The following MAP3K15 variants were observed in gnomAD, a reference collection of about 807,000 sequenced individuals.
The protein encoded by MAP3K15 is mitogen-activated protein kinase kinase kinase 15.
MAP3K15 carries 124 observed loss-of-function variants against 99.5 expected under a neutral mutation model. The ratio of observed to expected loss-of-function variants is 1.25; its 90% confidence interval spans 1.08 to 1.45. MAP3K15 has a LOEUF of 1.45. Ranked by LOEUF, MAP3K15 falls within the 40% of genes most tolerant of loss-of-function variation. The pLI, the probability that MAP3K15 is intolerant of heterozygous loss-of-function variation, is 0.00. For missense variants in MAP3K15, 1,242 were observed against 1,079.7 expected, an observed-to-expected ratio of 1.15 and a Z score of -2.11; for synonymous variants, 494 against 439.6, an observed-to-expected ratio of 1.12 and a Z score of -1.55.
At chrX:19,366,221 G>A in intron 25 of MAP3K15, among the ~76,000 whole-genome samples, 1 of 110,515 alleles carries the variant, frequency 9.0e-6, no homozygotes, top group East Asian at 2.9e-4. Context: ...CTGCCCAACT[G>A]CCTGCCTTCA....
chrX:19,515,114 C>T lies in MAP3K15; in HGVS notation c.148G>A (p.Glu50Lys). 1 of 815,973 alleles carries T rather than the reference C, an allele frequency of 1.2e-6. No homozygotes were observed. The highest frequency in any genetic ancestry group is 6.3e-5 in the East Asian group (1 of 15,788). 67.2% of individuals were successfully genotyped at this position (815,973 alleles called of 1,213,427 possible). ...AAEGAAGGSG[E>K]GESGGGPRRA... ...CGCGGCCCGCCCCCACTCTCGCCCT[C>T]GCCGCTGCCGCCTGCCGCGCCCTCC... is the stretch of plus-strand genomic sequence containing the variant. Residue 50 changes from glutamate (E) to lysine (K), a missense_variant, in exon 1 of 29, where the codon GAG becomes AAG. Glu to Lys is a moderately conservative substitution (Grantham distance 56, BLOSUM62 1). Coordinates refer to ENST00000338883, the MANE Select transcript of MAP3K15 (RefSeq NM_001001671.4).
At position 19,374,670 on chromosome X, in the gene MAP3K15, AG is replaced by A. The variant is rs752369487; in HGVS notation, c.2590-11del. Reference sequence around the variant, plus strand: ...TCTTAAACATGCCCACCTGCATTTAAGGGAGAGGTAACCGATGTGTCAGTGA... The same window carrying A: ...TCTTAAACATGCCCACCTGCATTTAAGGAGAGGTAACCGATGTGTCAGTGA... On this transcript the variant is annotated splice_polypyrimidine_tract_variant and intron_variant, in intron 19 of 28. Transcript: ENST00000338883. 3 of 1,204,006 alleles carry A rather than the reference AG, an allele frequency of 2.5e-6. No homozygotes were observed. The highest frequency in any genetic ancestry group is 3.4e-6 in the Non-Finnish European group (3 of 890,210).
chrX:19,488,793 A>AAC, intron 2 of MAP3K15, 35 bp downstream of exon 2: 1 of 1,163,803 alleles, frequency 8.6e-7, no homozygotes, highest in Non-Finnish European at 1.2e-6. Context: ...GCTTTCCCAA[A>AAC]ACAAAGTACT....
At chrX:19,457,933 A>G (rs2064105682) in intron 5 of MAP3K15, among the ~76,000 whole-genome samples, 1 of 111,927 alleles carries the variant, frequency 8.9e-6, no homozygotes, top group African/African-American at 3.2e-5. Context: ...GTCTCCAGAC[A>G]CTGCCAAAAA....
Position 19,456,957 on chromosome X carries a change from G to T in MAP3K15, c.951C>A (p.Ala317=), listed in dbSNP as rs762425115. 20 of 1,198,932 alleles carry T rather than the reference G, an allele frequency of 1.7e-5. 1 individual carries two copies. The South Asian group carries it at 3.5e-4, about 21-fold the overall frequency. Residue 317 remains alanine, a synonymous_variant, in exon 6 of 29, where the codon GCC becomes GCA. Coordinates refer to ENST00000338883, the MANE Select transcript of MAP3K15 (RefSeq NM_001001671.4). ...AGTGGAATTTAATGTTATGCTGATCGGCCAAATCACACGTAGGCAGCATCT... is the reference window on the plus strand; with the variant it reads ...AGTGGAATTTAATGTTATGCTGATCTGCCAAATCACACGTAGGCAGCATCT... ...TLEMLPTCDL[A]DQHNIKFHYA...
rs766893716 is a variant in MAP3K15, at chrX:19,361,364, C to A, written c.3832G>T (p.Glu1278Ter). 8.3e-7 allele frequency: 1 copy of A among 1,207,914 alleles called. No individual in the cohort carries two copies. The highest frequency in any genetic ancestry group is 3.0e-5 in the East Asian group (1 of 33,866). The change falls in exon 28 of 29, where the codon GAA (glutamate) becomes TAA (stop). Residue 1278 changes from glutamate to a stop codon, truncating the protein, a stop_gained. Coordinates refer to ENST00000338883, the MANE Select transcript of MAP3K15 (RefSeq NM_001001671.4). LOFTEE classifies it low-confidence loss of function (END_TRUNC). Reference protein sequence around the residue: ...LSDILNEITKEDLRYLRLRGG... With the variant: ...LSDILNEITK ...CGTAGTCGAAGGTATCTTAGATCTT[C>A]CTTAGTGATCTCATTAAGAATATCC...
intron 16 of MAP3K15, among the ~76,000 whole-genome samples, chrX:19,394,752 A>G (rs2063553134): frequency 1.1e-5 from 1 of 91,876 alleles, no homozygotes; most frequent in Admixed American, 1.4e-4. Flanking sequence ...TGACATTTGG[A>G]AAGTATCCAA....
chrX:19,464,759 T>C (rs750407137), intron 3 of MAP3K15, among the ~76,000 whole-genome samples: 3 of 111,973 alleles, frequency 2.7e-5, no homozygotes, highest in African/African-American at 9.7e-5. Flanking sequence ...GATTGCAACA[T>C]GGCATATTGT....
At chrX:19,494,475 T>C (rs915851502) in intron 1 of MAP3K15, among the ~76,000 whole-genome samples, 16 of 112,039 alleles carry the variant, frequency 1.4e-4, no homozygotes. Context: ...ATAAGAAAGA[T>C]GATGCATAGG....
At chrX:19,485,361 G>C (rs1323450645) in intron 3 of MAP3K15, among the ~76,000 whole-genome samples, 6 of 85,389 alleles carry the variant, frequency 7.0e-5, no homozygotes, top group African/African-American at 2.7e-4. Flanking sequence ...GGAAGAACAG[G>C]AAAGACTCTT....
Position 19,409,904 on chromosome X carries a change from A to G in MAP3K15, c.1748+20T>C, listed in dbSNP as rs767541267. On this transcript the variant is annotated intron_variant, in intron 12 of 28. Coordinates refer to ENST00000338883, the MANE Select transcript of MAP3K15 (RefSeq NM_001001671.4). ...TCATTTGCATTAAAATAGTAACTCC[A>G]TTTTCTCCTATGTTCTTACCTTATT... The G allele has an allele frequency of 2.0e-4, 231 of 1,149,972 alleles. No homozygotes were observed. Among genetic ancestry groups the G allele is most frequent in the Non-Finnish European group, 2.8e-5 (24 of 845,386 alleles). 94.8% of individuals were successfully genotyped at this position (1,149,972 alleles called of 1,213,427 possible). A position where few individuals can be genotyped will look rare whatever the true frequency, so the allele number is the denominator to read the frequency against.
Position 19,514,962 on chromosome X carries a change from G to A in MAP3K15, c.300C>T (p.Ser100=). Residue 100 remains serine (S), a synonymous_variant, in exon 1 of 29, where the codon TCC becomes TCT. Transcript: ENST00000338883. ...ACEAEGAHLT[S]VPFGELDFGE... is the part of the protein sequence containing the mutation. The stretch of plus-strand genomic sequence containing the variant: ...CGAAGTCCAGCTCCCCGAAGGGCAC[G>A]GAGGTGAGGTGAGCGCCCTCGGCCT... 3.5e-6 allele frequency: 4 copies of A among 1,147,963 alleles called. No individual in the cohort carries two copies. Among genetic ancestry groups the A allele is most frequent in the East Asian group, 6.7e-5 (2 of 29,661 alleles). 94.6% of individuals were successfully genotyped at this position (1,147,963 alleles called of 1,213,427 possible).
At chrX:19,435,977 A>C (rs771643885) in intron 6 of MAP3K15, among the ~76,000 whole-genome samples, 1 of 111,235 alleles carries the variant, frequency 9.0e-6, no homozygotes, top group Non-Finnish European at 1.9e-5. Context: ...AACATGGTGA[A>C]ACCCTGTCTC....
At chrX:19,381,228 A>G (rs975667078) in intron 18 of MAP3K15, among the ~76,000 whole-genome samples, 3 of 111,975 alleles carry the variant, frequency 2.7e-5, no homozygotes, top group Non-Finnish European at 5.6e-5. Flanking sequence ...ATTGGGGAGA[A>G]GGTCTCTGAA....
At chrX:19,480,530 G>A (rs1432932996) in intron 3 of MAP3K15, among the ~76,000 whole-genome samples, 1 of 108,426 alleles carries the variant, frequency 9.2e-6, no homozygotes, top group Admixed American at 9.9e-5. Flanking sequence ...AGGGCCGGGT[G>A]CGGGCCAGGC....
chrX:19,370,168 A>T (rs7051686), intron 24 of MAP3K15, among the ~76,000 whole-genome samples: 7,291 of 111,571 alleles, frequency 0.065, 466 homozygotes, highest in African/African-American at 0.2. Context: ...TAGCAGGAAG[A>T]AGTCACCAGA....
At chrX:19,466,242 C>T (rs929212778) in intron 3 of MAP3K15, among the ~76,000 whole-genome samples, 1 of 111,895 alleles carries the variant, frequency 8.9e-6, no homozygotes, top group African/African-American at 3.3e-5. Flanking sequence ...AATTAAATGC[C>T]ATTTACATAT....
chrX:19,510,035 A>T (rs759668459), intron 1 of MAP3K15, among the ~76,000 whole-genome samples: 25 of 111,966 alleles, frequency 2.2e-4, no homozygotes, highest in Non-Finnish European at 3.8e-4. Flanking sequence ...CCCTCCCAAG[A>T]CAAAACCAGG....
At chrX:19,373,316 C>T (rs2063391798) in intron 21 of MAP3K15, 2 of 379,001 alleles carry the variant, frequency 5.3e-6, no homozygotes. Context: ...TGGGGGAGGG[C>T]ACATGTGGGG....
Sources: allele counts gnomAD v4.1 joint callset (sites outside exome capture counted in the v4.1 genomes callset), GRCh38; gene constraint gnomAD v4.1.1; transcripts MANE v1.5; gene names NCBI Gene and HGNC (gene_info 2026-07-23, HGNC 2026-07-21).